The following ARID1B variants were observed in gnomAD, a reference collection of about 807,000 sequenced individuals.
ARID1B encodes the protein AT-rich interactive domain-containing protein 1B.
A neutral mutation model predicts 212.3 loss-of-function variants in ARID1B; 30 were observed. The observed-to-expected ratio is 0.14, with a 90% CI of 0.11 to 0.19. The LOEUF is 0.19. Ranked by LOEUF, ARID1B falls within the 10% of genes least tolerant of loss-of-function variation. The pLI is 1.00. For missense variants in ARID1B, 2,891 were observed against 3,204.0 expected, an observed-to-expected ratio of 0.90 and a Z score of 2.36; for synonymous variants, 1,402 against 1,301.7, an observed-to-expected ratio of 1.08 and a Z score of -1.66.
chr6:157,151,487 A>T (rs144602105), intron 8 of ARID1B: 63 of 152,328 alleles, frequency 4.1e-4, no homozygotes, highest in African/African-American at 1.5e-3. Flanking sequence ...GGAAAATACA[A>T]CAAAATAATC....
At position 157,084,667 on chromosome 6, in the gene ARID1B, G is replaced by A. The variant is rs761710707; in HGVS notation, c.2253G>A (p.Leu751=). ...QQERPSSLPD[L]SGSIDDLPTG... is the part of the protein sequence containing the mutation. Reference sequence around the variant, plus strand: ...TACATCTTTTCCTTTCTTAGGATCTGTCTGGCTCCATTGATGACCTCCCCA... The same window carrying A: ...TACATCTTTTCCTTTCTTAGGATCTATCTGGCTCCATTGATGACCTCCCCA... Residue 751 remains leucine, a synonymous_variant, in exon 5 of 20, where the codon CTG becomes CTA. Transcript: ENST00000636930. 6 of 1,613,988 alleles carry A rather than the reference G, an allele frequency of 3.7e-6. No homozygotes were observed. The highest frequency in any genetic ancestry group is 1.3e-5 in the African/African-American group (1 of 74,906).
intron 1 of ARID1B, among the ~76,000 whole-genome samples, chr6:156,811,614 A>G (rs1274875383): frequency 1.3e-5 from 2 of 152,038 alleles, no homozygotes; most frequent in Non-Finnish European, 1.5e-5. Flanking sequence ...GTGCAGGGGG[A>G]GAGAGAGGAT....
At chr6:157,109,810 A>C (rs1243632714) in intron 5 of ARID1B, among the ~76,000 whole-genome samples, 1 of 152,236 alleles carries the variant, frequency 6.6e-6, no homozygotes, top group Admixed American at 6.5e-5. Flanking sequence ...TCCTGTCTTA[A>C]GGAGTTTACA....
intron 11 of ARID1B, among the ~76,000 whole-genome samples, chr6:157,177,135 T>C (rs997135973): frequency 6.6e-6 from 1 of 152,228 alleles, no homozygotes; most frequent in Non-Finnish European, 1.5e-5. Context: ...TATTTCCATA[T>C]ATATGATCTC....
Position 156,777,889 on chromosome 6 carries a change from G to C in ARID1B, c.209G>C (p.Ser70Thr). The change falls in exon 1 of 20, where the codon AGT becomes ACT. Residue 70 changes from serine (S) to threonine (T), a missense_variant. Coordinates refer to ENST00000636930, the MANE Select transcript of ARID1B (RefSeq NM_001374828.1). ...GGCGACGGCGGCGGCGGCCTGAACAGTGTGCACCACCACCCCCTGCTCCCC... is the reference window on the plus strand; with the variant it reads ...GGCGACGGCGGCGGCGGCCTGAACACTGTGCACCACCACCCCCTGCTCCCC... ...GGGDGGGGLN[S>T]VHHHPLLPRH... The C allele has an allele frequency of 6.8e-7, 1 of 1,480,108 alleles. No individual in the cohort carries two copies. The highest frequency in any genetic ancestry group is 8.9e-7 in the Non-Finnish European group (1 of 1,124,684). 91.7% of individuals were successfully genotyped at this position (1,480,108 alleles called of 1,614,324 possible).
rs374964134 is a variant in ARID1B at position 156,871,730 on chromosome 6, T to C, written c.1987-29646T>C. On this transcript the variant is annotated intron_variant, in intron 2 of 19. Coordinates refer to ENST00000636930, the MANE Select transcript of ARID1B (RefSeq NM_001374828.1). Reference sequence around the variant, plus strand: ...TGACAGTGGGGGCAGCTGGCACATCTGTGTTGTTCCCCTCCTGCAGGAACA... The same window carrying C: ...TGACAGTGGGGGCAGCTGGCACATCCGTGTTGTTCCCCTCCTGCAGGAACA... 5.4e-4 allele frequency: 820 copies of C among 1,522,810 alleles called. 14 individuals are homozygous for C. The South Asian group carries it at 9.1e-3, about 17-fold the overall frequency. The allele number at this position is 1,522,810 out of a possible 1,614,324, so 94.3% of individuals were successfully genotyped here. A position where few individuals can be genotyped will look rare whatever the true frequency, so the allele number is the denominator to read the frequency against.
At chr6:157,023,918 C>G (rs1337267408) in intron 4 of ARID1B, 1 of 152,166 alleles carries the variant, frequency 6.6e-6, no homozygotes, top group African/African-American at 2.4e-5. Context: ...ACAGATTTTG[C>G]ATGTAGATTG....
chr6:157,059,556 G>C (rs868555790), intron 4 of ARID1B, among the ~76,000 whole-genome samples: 1 of 152,210 alleles, frequency 6.6e-6, no homozygotes, highest in African/African-American at 2.4e-5. Context: ...TCTGAGATTA[G>C]AGTATTGACA....
chr6:156,894,286 C>CGGGGGGGTGGGATGGGGGCCG (rs1322710814), intron 2 of ARID1B, among the ~76,000 whole-genome samples: 9 of 24,142 alleles, frequency 3.7e-4, no homozygotes, highest in African/African-American at 6.9e-4. Flanking sequence ...GGATGGGGGC[C>CGGGGGGGTGGGATGGGGGCCG]GGGGGGTTGG....
chr6:157,179,022 CAAACTTT>C (rs879431413), intron 11 of ARID1B, among the ~76,000 whole-genome samples: 6 of 152,192 alleles, frequency 3.9e-5, no homozygotes, highest in African/African-American at 9.6e-5. Flanking sequence ...AACTGAATCT[CAAACTTT>C]TACCTCAGTT....
intron 3 of ARID1B, among the ~76,000 whole-genome samples, chr6:156,933,210 C>A (rs920006718): frequency 2.0e-5 from 3 of 151,858 alleles, no homozygotes; most frequent in African/African-American, 7.3e-5. Flanking sequence ...GACTTTTGAG[C>A]CTGTTACTAT....
chr6:157,078,020 C>T (rs968888407), intron 4 of ARID1B, among the ~76,000 whole-genome samples: 5 of 152,104 alleles, frequency 3.3e-5, no homozygotes, highest in Non-Finnish European at 5.9e-5. Context: ...AATAAAGGGC[C>T]AGCAGTTACG....
intron 3 of ARID1B, among the ~76,000 whole-genome samples, chr6:156,927,044 A>G (rs1264022325): frequency 1.1e-5 from 1 of 88,322 alleles, no homozygotes; most frequent in Non-Finnish European, 2.4e-5. Context: ...AAGAACTTTA[A>G]AAAAGAGACA....
chr6:157,151,780 G>A (rs1790216659), intron 8 of ARID1B: 1 of 152,134 alleles, frequency 6.6e-6, no homozygotes, highest in Admixed American at 6.5e-5. Flanking sequence ...ATCAAACAGG[G>A]AACTATCACC....
At chr6:156,967,073 T>C (rs1014908429) in intron 4 of ARID1B, among the ~76,000 whole-genome samples, 44 of 152,236 alleles carry the variant, frequency 2.9e-4, no homozygotes, top group African/African-American at 1.0e-3. Flanking sequence ...CTTCTCAATC[T>C]GGTCTTTGTT....
intron 3 of ARID1B, among the ~76,000 whole-genome samples, chr6:156,907,285 T>C (rs1245300497): frequency 2.0e-5 from 3 of 152,250 alleles, no homozygotes; most frequent in African/African-American, 4.8e-5. Flanking sequence ...CCTTCTTTTC[T>C]AGTTTGCGAA....
chr6:157,190,988 G>A lies in ARID1B; in HGVS notation c.4231+778G>A, dbSNP rs1055950659. Among the ~76,000 whole-genome samples, 4 of 152,148 alleles carry A rather than the reference G, an allele frequency of 2.6e-5. No individual in the cohort carries two copies. The highest frequency in any genetic ancestry group is 6.5e-5 in the Admixed American group (1 of 15,276). On this transcript the variant is annotated intron_variant, in intron 15 of 19. Coordinates refer to ENST00000636930, the MANE Select transcript of ARID1B (RefSeq NM_001374828.1). The surrounding 1 kb of genome is among the most constrained non-coding windows in gnomAD (Gnocchi z 4.6). Reference sequence around the variant, plus strand: ...ACAGTGAGCATGGGCCCGGGGACAGGCTGAGGTCGTTGAGGCCGGCGGGGC... The same window carrying A: ...ACAGTGAGCATGGGCCCGGGGACAGACTGAGGTCGTTGAGGCCGGCGGGGC...
chr6:157,138,012 A>C (rs1337686223), intron 7 of ARID1B, among the ~76,000 whole-genome samples: 1 of 152,176 alleles, frequency 6.6e-6, no homozygotes, highest in Non-Finnish European at 1.5e-5. Flanking sequence ...AATGATATTC[A>C]GTTGAAATGA....
intron 5 of ARID1B, among the ~76,000 whole-genome samples, chr6:157,099,600 G>A (rs1348640215): frequency 1.3e-5 from 2 of 152,218 alleles, no homozygotes; most frequent in Non-Finnish European, 2.9e-5. Flanking sequence ...CGTTTTATAA[G>A]TTGGTCTTTA....
Sources: allele counts gnomAD v4.1 joint callset (sites outside exome capture counted in the v4.1 genomes callset), GRCh38; gene constraint gnomAD v4.1.1; non-coding constraint Gnocchi (gnomAD v3.1); transcripts MANE v1.5; gene names NCBI Gene and HGNC (gene_info 2026-07-23, HGNC 2026-07-21).